SUMF1: variants seen among roughly 807,000 people sequenced by gnomAD.
The protein encoded by SUMF1 is sulfatase modifying factor 1.
In SUMF1, 48 loss-of-function variants were observed where a neutral mutation model predicts 47.6. The ratio of observed to expected loss-of-function variants is 1.01; its 90% CI spans 0.80 to 1.28. SUMF1 has a LOEUF of 1.28. Among genes scored for constraint, SUMF1 ranks in the 50% most tolerant of loss-of-function variants. The pLI is 0.00. For missense variants in SUMF1, 571 were observed against 485.4 expected, an observed-to-expected ratio of 1.18 and a Z score of -1.66; for synonymous variants, 230 against 192.1, an observed-to-expected ratio of 1.20 and a Z score of -1.63.
intron 8 of SUMF1, among the ~76,000 whole-genome samples, chr3:4,330,017 C>T (rs1699018934): frequency 6.6e-6 from 1 of 152,188 alleles, no homozygotes; most frequent in Admixed American, 6.5e-5. Context: ...TGCCACTAGT[C>T]TCTTTGCTAA....
chr3:4,449,712 T>C (rs1185987746), intron 2 of SUMF1, among the ~76,000 whole-genome samples: 1 of 152,242 alleles, frequency 6.6e-6, no homozygotes, highest in Non-Finnish European at 1.5e-5. Context: ...GTCCTGAATC[T>C]AGCTAAACGA....
chr3:4,071,173 A>G (rs1695511908), intron 8 of SUMF1, among the ~76,000 whole-genome samples: 1 of 152,112 alleles, frequency 6.6e-6, no homozygotes, highest in South Asian at 2.1e-4. Context: ...TGGCATTAGG[A>G]GGTGCTTCCA....
Position 4,361,712 on chromosome 3 carries a change from C to A in SUMF1, c.*432G>T. On this transcript the variant is annotated 3_prime_UTR_variant, in exon 9 of 9. Transcript: ENST00000272902. ...ATGAAGTCACAATAGAATCTGATAC[C>A]CTTTTTAGAACTGGTGAGTTGGAGA... 1.5e-5 allele frequency: 3 copies of A among 196,066 alleles called. No individual in the cohort carries two copies. The highest frequency in any genetic ancestry group is 5.3e-5 in the Admixed American group (1 of 18,770). The allele number at this position is 196,066 out of a possible 1,614,324, so 12.1% of individuals were successfully genotyped here.
intron 1 of SUMF1, among the ~76,000 whole-genome samples, chr3:4,456,732 G>GTA (rs1020080600): frequency 4.5e-5 from 4 of 89,308 alleles, no homozygotes; most frequent in East Asian, 2.7e-4. Context: ...ATATACGTGT[G>GTA]TATATATACA....
At chr3:4,351,102 T>C (rs11928114) in intron 8 of SUMF1, among the ~76,000 whole-genome samples, 33,562 of 152,116 alleles carry the variant, frequency 0.22, 4,411 homozygotes, top group African/African-American at 0.35. Context: ...AGGTAAAAGC[T>C]CACAGGCAAT....
At chr3:4,143,960 T>C (rs949951318) in intron 8 of SUMF1, among the ~76,000 whole-genome samples, 12 of 150,608 alleles carry the variant, frequency 8.0e-5, no homozygotes, top group African/African-American at 2.7e-4. Flanking sequence ...CCATAGTGCC[T>C]CCTTAAAGTG....
intron 3 of SUMF1, among the ~76,000 whole-genome samples, chr3:4,442,950 CA>C (rs776278067): frequency 0.047 from 5,625 of 120,914 alleles, 319 homozygotes; most frequent in African/African-American, 0.15. Context: ...AAGAAATGCT[CA>C]AAAAAAAAAA....
chr3:4,279,299 C>G (rs1217975842), intron 8 of SUMF1, among the ~76,000 whole-genome samples: 1 of 152,002 alleles, frequency 6.6e-6, no homozygotes, highest in Non-Finnish European at 1.5e-5. Context: ...CTTTTATTGT[C>G]AATTTATAAT....
At chr3:4,217,514 T>TTATATATATATA in intron 8 of SUMF1, among the ~76,000 whole-genome samples, 1 of 45,198 alleles carries the variant, frequency 2.2e-5, no homozygotes, top group Non-Finnish European at 4.2e-5. Flanking sequence ...AAAGTATTTT[T>TTATATATATATA]TATATATATA....
intron 8 of SUMF1, among the ~76,000 whole-genome samples, chr3:4,135,963 A>G (rs1049116740): frequency 6.6e-6 from 1 of 152,148 alleles, no homozygotes; most frequent in African/African-American, 2.4e-5. Flanking sequence ...CCACTGCTCA[A>G]TGAAATAAAA....
chr3:4,186,775 GAGA>G (rs1695209129), intron 8 of SUMF1, among the ~76,000 whole-genome samples: 1 of 152,086 alleles, frequency 6.6e-6, no homozygotes, highest in African/African-American at 2.4e-5. Context: ...AAGAAAATGT[GAGA>G]AGTTCAATTG....
intron 8 of SUMF1, among the ~76,000 whole-genome samples, chr3:4,104,721 T>A (rs1693118688): frequency 6.6e-6 from 1 of 151,196 alleles, no homozygotes; most frequent in African/African-American, 2.4e-5. Context: ...CCCTACCAAT[T>A]CCCCTGTTCT....
intron 8 of SUMF1, among the ~76,000 whole-genome samples, chr3:4,072,392 C>G (rs1259965474): frequency 6.6e-6 from 1 of 152,082 alleles, no homozygotes; most frequent in Non-Finnish European, 1.5e-5. Context: ...GAGCAGAAAG[C>G]CTGAAAATTC....
At chr3:4,227,506 C>T (rs978810290) in intron 8 of SUMF1, among the ~76,000 whole-genome samples, 5 of 152,238 alleles carry the variant, frequency 3.3e-5, no homozygotes, top group African/African-American at 9.6e-5. Context: ...TCCTCCCCGC[C>T]GGACTTCCTG....
intron 8 of SUMF1, among the ~76,000 whole-genome samples, chr3:4,364,831 G>A (rs1278621985): frequency 2.0e-5 from 3 of 151,342 alleles, no homozygotes; most frequent in Middle Eastern, 3.4e-3. Flanking sequence ...TATCAATTTT[G>A]GATCTTTCCT....
chr3:4,301,754 G>T lies in SUMF1; in HGVS notation c.1014+74576C>A, dbSNP rs562907289. 2.6e-5 allele frequency among the ~76,000 whole-genome samples: 4 copies of T among 152,318 alleles called. No individual in the cohort carries two copies. The South Asian group carries it at 8.3e-4, about 32-fold the overall frequency. On this transcript the variant is annotated intron_variant and NMD_transcript_variant, in intron 8 of 12. Coordinates refer to the SUMF1 transcript ENST00000448413. ...AGAAAAAGCAAGACTGGCAGAAGAA[G>T]TCAATTCAGATTATTTTGAGTTTGA...
At position 4,211,199 on chromosome 3, in the gene SUMF1, C is replaced by CATATATATATATATATATATAT. The variant is rs3046224; in HGVS notation, c.1015-142455_1015-142454insATATATATATATATATATATAT. On this transcript the variant is annotated intron_variant and NMD_transcript_variant, in intron 8 of 12. Transcript: ENST00000448413. ...ATATATATACATATACATATACATA[C>CATATATATATATATATATATAT]ATACATATATATATATATATATATA... Among the ~76,000 whole-genome samples, 65 of 84,966 alleles carry CATATATATATATATATATATAT rather than the reference C, an allele frequency of 7.7e-4. 1 individual carries two copies. The highest frequency in any genetic ancestry group is 9.2e-4 in the Non-Finnish European group (40 of 43,522). 55.7% of individuals were successfully genotyped at this position (84,966 alleles called of 152,430 possible).
intron 8 of SUMF1, among the ~76,000 whole-genome samples, chr3:4,346,835 A>C (rs181405889): frequency 9.7e-4 from 148 of 152,330 alleles, no homozygotes; most frequent in South Asian, 1.7e-3. Context: ...TGCAATAAAA[A>C]AATGATAAAG....
At position 4,069,373 on chromosome 3, in the gene SUMF1, C is replaced by T. The variant is rs112280652; in HGVS notation, c.1015-628G>A. Among the ~76,000 whole-genome samples, 612 of 152,266 alleles carry T rather than the reference C, an allele frequency of 4.0e-3. 5 individuals carry two copies. The highest frequency in any genetic ancestry group is 0.014 in the African/African-American group (563 of 41,554). On this transcript the variant is annotated intron_variant and NMD_transcript_variant, in intron 8 of 12. Transcript: ENST00000448413. ...TTAGGGCCCTGTGCTCAGAAGAGTGCCACACTTGGTTAAATATTCAGCTGT... is the reference window on the plus strand; with the variant it reads ...TTAGGGCCCTGTGCTCAGAAGAGTGTCACACTTGGTTAAATATTCAGCTGT...
Sources: gnomAD v4.1 joint callset for allele counts (sites outside exome capture counted in the v4.1 genomes callset) on GRCh38, gnomAD v4.1.1 for gene constraint, MANE v1.5 for transcripts, NCBI Gene and HGNC (gene_info 2026-07-23, HGNC 2026-07-21) for gene names.